ZNF345: variants seen among roughly 807,000 people sequenced by gnomAD.
ZNF345 encodes the protein zinc finger protein 345, also known as zinc finger protein HZF10.
For synonymous variants in ZNF345, 166 were observed against 187.9 expected, an observed-to-expected ratio of 0.88 and a Z score of 0.95; for missense variants, 527 against 589.9, an observed-to-expected ratio of 0.89 and a Z score of 1.10.
chr19:36,891,487 G>A (rs1346326507), intron 3 of ZNF345: 13 of 1,532,312 alleles, frequency 8.5e-6, no homozygotes, highest in Non-Finnish European at 1.1e-5. Flanking sequence ...TTACTTTACT[G>A]TCATTCAACC....
At chr19:36,855,831 A>C (rs1199286553) in intron 2 of ZNF345, among the ~76,000 whole-genome samples, 1 of 152,184 alleles carries the variant, frequency 6.6e-6, no homozygotes, top group Non-Finnish European at 1.5e-5. Context: ...CTGCCTCTAC[A>C]TCTTTGCCAT....
At chr19:36,861,913 G>C (rs1430936602) in intron 2 of ZNF345, among the ~76,000 whole-genome samples, 1 of 145,986 alleles carries the variant, frequency 6.8e-6, no homozygotes, top group African/African-American at 2.5e-5. Flanking sequence ...CCAGGCTGCA[G>C]TGCAGTGGCA....
chr19:36,880,909 CATTT>C (rs1463001103), downstream of ZNF345, among the ~76,000 whole-genome samples: 7 of 151,988 alleles, frequency 4.6e-5, no homozygotes, highest in Admixed American at 3.9e-4. Flanking sequence ...TAAATTCATT[CATTT>C]GTTAGAATGT....
Position 36,852,440 on chromosome 19 carries a change from G to A in ZNF345, c.-47+536G>A, listed in dbSNP as rs915090450. Among the ~76,000 whole-genome samples, 15 of 151,938 alleles carry A rather than the reference G, an allele frequency of 9.9e-5. No homozygotes were observed. The East Asian group carries it at 2.1e-3, about 22-fold the overall frequency. On this transcript the variant is annotated intron_variant, in intron 2 of 2. Coordinates refer to ENST00000420450, the MANE Select transcript of ZNF345 (RefSeq NM_001242472.2). ...ATCCTGGCCAACATGAGGAAACCCC[G>A]TCTCTACTAAAAACACAAAAATTAG...
In ZNF345 at chr19:36,868,613, T is replaced by C. The variant is rs374161322; in HGVS notation, c.-46-8172T>C. Among the ~76,000 whole-genome samples the C allele has an allele frequency of 2.5e-4, 38 of 151,136 alleles. No homozygotes were observed. The South Asian group carries it at 7.5e-3, about 30-fold the overall frequency. On this transcript the variant is annotated intron_variant, in intron 2 of 2. Coordinates refer to ENST00000420450, the MANE Select transcript of ZNF345 (RefSeq NM_001242472.2). ...TTTGGGTACCCATTGCAGTTCCACA[T>C]GGATATGAGGAGTGGCTTTTTTTTT... is the stretch of plus-strand genomic sequence containing the variant.
In ZNF345 at chr19:36,877,770, T is replaced by C; in HGVS notation, c.940T>C (p.Tyr314His). The C allele has an allele frequency of 6.2e-7, 1 of 1,614,010 alleles. No individual in the cohort carries two copies. The highest frequency in any genetic ancestry group is 8.5e-7 in the Non-Finnish European group (1 of 1,179,986). ...HQRIHTGEKPYECKECEKAFR... is the reference protein window; with the variant it reads ...HQRIHTGEKPHECKECEKAFR... ...GAGAATTCACACTGGTGAGAAACCC[T>C]ATGAGTGTAAGGAGTGTGAGAAAGC... The change falls in exon 3 of 3, where the codon TAT becomes CAT. Residue 314 changes from tyrosine to histidine, a missense_variant. Physicochemically the swap from Tyr to His is moderately conservative, Grantham distance 83. Transcript: ENST00000420450.
intron 2 of ZNF345, among the ~76,000 whole-genome samples, chr19:36,870,741 GC>G (rs2072755311): frequency 6.6e-6 from 1 of 152,052 alleles, no homozygotes. Context: ...GCATATTGGA[GC>G]CTTTTAGGGT....
chr19:36,855,447 CTTTTTTTTTT>C (rs34265794), intron 2 of ZNF345, among the ~76,000 whole-genome samples: 4 of 58,574 alleles, frequency 6.8e-5, no homozygotes, highest in African/African-American at 2.1e-4. Flanking sequence ...CGAGCCTGGC[CTTTTTTTTTT>C]TTTTTTTTTT....
At chr19:36,886,968 T>G (rs1600723631) in intron 3 of ZNF345, among the ~76,000 whole-genome samples, 1 of 122,812 alleles carries the variant, frequency 8.1e-6, no homozygotes, top group Non-Finnish European at 1.6e-5. Context: ...CAGTCCAGCT[T>G]GGGCGAAAGA....
chr19:36,870,589 T>C (rs962711230), intron 2 of ZNF345, among the ~76,000 whole-genome samples: 3 of 152,216 alleles, frequency 2.0e-5, no homozygotes, highest in African/African-American at 7.2e-5. Flanking sequence ...TCAACCACTA[T>C]ATTGATTCTT....
In ZNF345 at chr19:36,877,663, G is replaced by T. The variant is rs2072915753; in HGVS notation, c.833G>T (p.Arg278Ile). The change falls in exon 3 of 3, where the codon AGA (arginine) becomes ATA (isoleucine). Residue 278 changes from arginine to isoleucine, a missense_variant. Coordinates refer to ENST00000420450, the MANE Select transcript of ZNF345 (RefSeq NM_001242472.2). ...SFGSALTRHQ[R>I]IHTGEKPYVC... ...GGATCAGCCCTTACTCGACATCAAA[G>T]AATTCATACTGGTGAGAAACCTTAT... is the stretch of plus-strand genomic sequence containing the variant. The T allele has an allele frequency of 2.5e-6, 4 of 1,614,038 alleles. No individual in the cohort carries two copies. The highest frequency in any genetic ancestry group is 3.4e-6 in the Non-Finnish European group (4 of 1,180,002).
chr19:36,873,848 T>C (rs1045415171), intron 2 of ZNF345, among the ~76,000 whole-genome samples: 5 of 152,204 alleles, frequency 3.3e-5, no homozygotes, highest in Admixed American at 6.5e-5. Flanking sequence ...CATTTATATA[T>C]ATCACAATTT....
At chr19:36,880,853 C>T (rs539669767), downstream of ZNF345, among the ~76,000 whole-genome samples, 29 of 152,198 alleles carry the variant, frequency 1.9e-4, no homozygotes, top group African/African-American at 5.5e-4. Context: ...GATTACATAG[C>T]AAAACCTGTG....
chr19:36,878,288 T>G lies in ZNF345; in HGVS notation c.1458T>G (p.Thr486=). 6.4e-7 allele frequency: 1 copy of G among 1,564,408 alleles called. No homozygotes were observed. The change falls in exon 3 of 3, where the codon ACT becomes ACG. Residue 486 remains threonine (T), a synonymous_variant. Coordinates refer to ENST00000420450, the MANE Select transcript of ZNF345 (RefSeq NM_001242472.2). The part of the protein sequence containing the change: ...HNGKKLCELE[T]IN Reference sequence around the variant, plus strand: ...GTAAGAAACTCTGCGAATTGGAAACTATAAATTGAAATTATGTGCTGAAGG... The same window carrying G: ...GTAAGAAACTCTGCGAATTGGAAACGATAAATTGAAATTATGTGCTGAAGG...
At chr19:36,886,867 G>A (rs1334513043) in intron 3 of ZNF345, among the ~76,000 whole-genome samples, 13 of 151,522 alleles carry the variant, frequency 8.6e-5, no homozygotes, top group Non-Finnish European at 1.6e-4. Context: ...GGTGGTGGGC[G>A]CCTGTAATCC....
At chr19:36,884,803 C>T (rs1255122207) in intron 3 of ZNF345, among the ~76,000 whole-genome samples, 5 of 152,242 alleles carry the variant, frequency 3.3e-5, no homozygotes, top group African/African-American at 1.2e-4. Context: ...CCTAGAGTAC[C>T]CCCAGTGGGC....
Position 36,870,383 on chromosome 19 carries a change from C to A in ZNF345, c.-46-6402C>A, listed in dbSNP as rs142261638. ...GGTTTAGAGACATCTCTTCTATGAT[C>A]CTTTTTTTCTCTACTGACTGCTTGT... On this transcript the variant is annotated intron_variant, in intron 2 of 2. Coordinates refer to ENST00000420450, the MANE Select transcript of ZNF345 (RefSeq NM_001242472.2). 5.7e-4 allele frequency among the ~76,000 whole-genome samples: 87 copies of A among 152,170 alleles called. No homozygotes were observed. In the East Asian group the frequency reaches 0.015, roughly 27 times the overall value.
chr19:36,889,615 GT>G (rs2073031454), intron 3 of ZNF345: 1 of 152,116 alleles, frequency 6.6e-6, no homozygotes, highest in African/African-American at 2.4e-5. Context: ...TGTGTTATCA[GT>G]TATAATATCA....
intron 3 of ZNF345, among the ~76,000 whole-genome samples, chr19:36,887,587 T>A (rs530895636): frequency 1.2e-3 from 184 of 152,278 alleles, no homozygotes; most frequent in African/African-American, 4.4e-3. Flanking sequence ...TTCCTGTGTA[T>A]CCACAGAGCC....
Sources: allele counts gnomAD v4.1 joint callset (sites outside exome capture counted in the v4.1 genomes callset), GRCh38; gene constraint gnomAD v4.1.1; transcripts MANE v1.5; gene names NCBI Gene and HGNC (gene_info 2026-07-23, HGNC 2026-07-21).